PCDHGB7: variants seen among roughly 807,000 people sequenced by gnomAD.
PCDHGB7 encodes protocadherin gamma-B7.
A neutral mutation model predicts 61.4 loss-of-function variants in PCDHGB7; 37 were observed. The ratio of observed to expected loss-of-function variants is 0.60; its 90% CI spans 0.46 to 0.79. The LOEUF (loss-of-function observed/expected upper bound fraction) is 0.79. PCDHGB7 is among the 30% of genes least tolerant of loss of function. The pLI is 0.00. For missense variants in PCDHGB7, 1,166 were observed against 1,202.5 expected, an observed-to-expected ratio of 0.97 and a Z score of 0.45; for synonymous variants, 464 against 503.5, an observed-to-expected ratio of 0.92 and a Z score of 1.05.
At chr5:141,459,263 C>T (rs2098964603) in intron 1 of PCDHGB7, among the ~76,000 whole-genome samples, 1 of 152,176 alleles carries the variant, frequency 6.6e-6, no homozygotes, top group South Asian at 2.1e-4. Flanking sequence ...ATTAGTGTTG[C>T]CTCTTTCAGA....
chr5:141,487,058 C>T lies in PCDHGB7; in HGVS notation c.2416-7749C>T, dbSNP rs775720601. 23 of 1,613,980 alleles carry T rather than the reference C, an allele frequency of 1.4e-5. No individual in the cohort carries two copies. The highest frequency in any genetic ancestry group is 1.0e-4 in the Admixed American group (6 of 59,996). ...AGTCTCTCGATATGCTGGGGAGGTGCGGACGGCTGTTCCTATCCCAGCTGA... is the reference window on the plus strand; with the variant it reads ...AGTCTCTCGATATGCTGGGGAGGTGTGGACGGCTGTTCCTATCCCAGCTGA... On this transcript the variant is annotated intron_variant, in intron 1 of 3. Transcript: ENST00000398594. The surrounding 1 kb of genome is among the most constrained non-coding windows in gnomAD (Gnocchi z 5.0).
chr5:141,493,336 A>G lies in PCDHGB7; in HGVS notation c.2416-1471A>G, dbSNP rs1049621539. Among the ~76,000 whole-genome samples, 4 of 152,202 alleles carry G rather than the reference A, an allele frequency of 2.6e-5. No homozygotes were observed. Among genetic ancestry groups the G allele is most frequent in the African/African-American group, 9.7e-5 (4 of 41,450 alleles). On this transcript the variant is annotated intron_variant, in intron 1 of 3. Transcript: ENST00000398594. The surrounding 1 kb of genome is among the most constrained non-coding windows in gnomAD (Gnocchi z 4.3). ...GAGATTCTAACCCCTGTCTAACTCC[A>G]GAATGTGTGCTTTTAATTTCTTGGC...
At chr5:141,452,370 G>A (rs2098739834) in intron 1 of PCDHGB7, among the ~76,000 whole-genome samples, 1 of 152,136 alleles carries the variant, frequency 6.6e-6, no homozygotes, top group Non-Finnish European at 1.5e-5. Flanking sequence ...CTTCATTTTA[G>A]TAGGGAATAG....
chr5:141,468,419 G>A (rs1733006381), intron 1 of PCDHGB7: 1 of 151,826 alleles, frequency 6.6e-6, no homozygotes, highest in Admixed American at 6.6e-5. Flanking sequence ...AAGTTAGATA[G>A]CAAGGTAATA....
chr5:141,485,065 A>G lies in PCDHGB7; in HGVS notation c.2416-9742A>G, dbSNP rs527439590. On this transcript the variant is annotated intron_variant, in intron 1 of 3. Transcript: ENST00000398594. The surrounding 1 kb of genome is among the most constrained non-coding windows in gnomAD (Gnocchi z 5.7). ...TGCGGCGCCGGCCGAACCGCGCCAG[A>G]GCTGGCGCGGGGAAAGGGAGATAGG... The G allele has an allele frequency of 4.2e-5, 37 of 877,696 alleles. No individual in the cohort carries two copies. Among genetic ancestry groups the G allele is most frequent in the Non-Finnish European group, 6.5e-5 (36 of 552,826 alleles). The allele number at this position is 877,696 out of a possible 1,614,324, so 54.4% of individuals were successfully genotyped here. A position where few individuals can be genotyped will look rare whatever the true frequency, so the allele number is the denominator to read the frequency against.
In PCDHGB7 at chr5:141,491,723, G is replaced by A. The variant is rs764792125; in HGVS notation, c.2416-3084G>A. The A allele has an allele frequency of 1.7e-5, 27 of 1,606,770 alleles. No individual in the cohort carries two copies. In the African/African-American group the frequency reaches 3.2e-4, roughly 19 times the overall value. On this transcript the variant is annotated intron_variant, in intron 1 of 3. Coordinates refer to ENST00000398594, the MANE Select transcript of PCDHGB7 (RefSeq NM_018927.4). The surrounding 1 kb of genome is among the most constrained non-coding windows in gnomAD (Gnocchi z 6.9). The stretch of plus-strand genomic sequence containing the variant: ...CAGGTGAGGGGCTCGGCGCCGCCCC[G>A]GGCGACCCCTGGGGGCGGCACTGGA...
At chr5:141,497,771 C>T (rs2099779314) in intron 2 of PCDHGB7, among the ~76,000 whole-genome samples, 1 of 152,154 alleles carries the variant, frequency 6.6e-6, no homozygotes, top group Non-Finnish European at 1.5e-5. Context: ...ACTCCCCGAC[C>T]TCAACTGATC....
intron 1 of PCDHGB7, chr5:141,478,529 A>G: frequency 6.2e-7 from 1 of 1,609,580 alleles, no homozygotes; most frequent in Non-Finnish European, 8.5e-7. Flanking sequence ...GGGTGCAGAG[A>G]GCGCCCCTCC....
chr5:141,428,731 A>G (rs1290064919), intron 1 of PCDHGB7: 1 of 159,494 alleles, frequency 6.3e-6, no homozygotes, highest in Non-Finnish European at 1.4e-5. Context: ...TCTTAAACAT[A>G]TTATATCTAC....
chr5:141,449,830 T>G (rs1316368063), intron 1 of PCDHGB7, among the ~76,000 whole-genome samples: 1 of 151,724 alleles, frequency 6.6e-6, no homozygotes, highest in Non-Finnish European at 1.5e-5. Flanking sequence ...AAGGACATTC[T>G]TTTATATAAT....
rs2096400387 is a variant in PCDHGB7 at position 141,419,564 on chromosome 5, C to A, written c.1705C>A (p.Pro569Thr). Residue 569 changes from proline (P) to threonine (T), a missense_variant, in exon 1 of 4, where the codon CCC becomes ACC. Pro to Thr is a conservative substitution (Grantham distance 38). Coordinates refer to ENST00000398594, the MANE Select transcript of PCDHGB7 (RefSeq NM_018927.4). ...GCGGGTGCTGTACCCTGCGCTGGGTCCCGACGGCTCCGCGCTCTTCGACAC... is the reference window on the plus strand; with the variant it reads ...GCGGGTGCTGTACCCTGCGCTGGGTACCGACGGCTCCGCGCTCTTCGACAC... ...APRVLYPALG[P>T]DGSALFDTVP... The A allele has an allele frequency of 3.1e-6, 5 of 1,611,832 alleles. No individual in the cohort carries two copies. The highest frequency in any genetic ancestry group is 4.2e-6 in the Non-Finnish European group (5 of 1,179,460).
chr5:141,453,540 A>G (rs890130466), intron 1 of PCDHGB7, among the ~76,000 whole-genome samples: 2 of 152,058 alleles, frequency 1.3e-5, no homozygotes, highest in Non-Finnish European at 2.9e-5. Context: ...CCTCATTCAC[A>G]CCACACTCTG....
Position 141,431,003 on chromosome 5 carries a change from G to C in PCDHGB7, c.2415+10729G>C. The C allele has an allele frequency of 6.2e-7, 1 of 1,614,078 alleles. No individual in the cohort carries two copies. The highest frequency in any genetic ancestry group is 8.5e-7 in the Non-Finnish European group (1 of 1,179,974). On this transcript the variant is annotated intron_variant, in intron 1 of 3. Transcript: ENST00000398594. The surrounding 1 kb of genome is among the most constrained non-coding windows in gnomAD (Gnocchi z 4.8). ...GCTTTTCGCCCTGAATCCGCGCAGC[G>C]GCAGCTTGGTCACGGCGGGCAGGAT... is the stretch of plus-strand genomic sequence containing the variant.
chr5:141,491,544 C>G lies in PCDHGB7; in HGVS notation c.2416-3263C>G, dbSNP rs546391464. The G allele has an allele frequency of 1.1e-5, 17 of 1,614,018 alleles. No individual in the cohort carries two copies. In the Admixed American group the frequency reaches 1.8e-4, roughly 17 times the overall value. Reference sequence around the variant, plus strand: ...TGGAGGTGACGCTGCGGCCCACAGACTCGCAGAGCCACTGCTACAGGACGT... The same window carrying G: ...TGGAGGTGACGCTGCGGCCCACAGAGTCGCAGAGCCACTGCTACAGGACGT... On this transcript the variant is annotated intron_variant, in intron 1 of 3. Transcript: ENST00000398594. The surrounding 1 kb of genome is among the most constrained non-coding windows in gnomAD (Gnocchi z 6.9).
At chr5:141,440,165 A>G (rs935524872) in intron 1 of PCDHGB7, 2 of 152,300 alleles carry the variant, frequency 1.3e-5, no homozygotes, top group African/African-American at 4.8e-5. Flanking sequence ...AGCTTGGGCC[A>G]TAACGCTTTG....
chr5:141,455,961 G>C (rs1447678052), intron 1 of PCDHGB7, among the ~76,000 whole-genome samples: 1 of 150,954 alleles, frequency 6.6e-6, no homozygotes, highest in African/African-American at 2.4e-5. Context: ...GCAGTGGCGC[G>C]ATCTCAGCTC....
intron 1 of PCDHGB7, chr5:141,421,848 T>C (rs571838248): frequency 4.9e-5 from 79 of 1,613,634 alleles, no homozygotes; most frequent in Non-Finnish European, 6.0e-5. Flanking sequence ...AGAAAGAGGC[T>C]GCTCACCTGC....
chr5:141,430,970 A>G (rs1026736997), intron 1 of PCDHGB7: 3 of 1,613,068 alleles, frequency 1.9e-6, no homozygotes, highest in Non-Finnish European at 2.5e-6. Context: ...CCCCAGAGGT[A>G]GGACGCAGCT....
At chr5:141,423,332 C>T in intron 1 of PCDHGB7, 1 of 1,614,198 alleles carries the variant, frequency 6.2e-7, no homozygotes, top group South Asian at 1.1e-5. Flanking sequence ...GCCGCAGTCT[C>T]CTGCATCTTC....
Sources: gnomAD v4.1 joint callset for allele counts (sites outside exome capture counted in the v4.1 genomes callset) on GRCh38, gnomAD v4.1.1 for gene constraint, Gnocchi (gnomAD v3.1) non-coding constraint, MANE v1.5 for transcripts, NCBI Gene and HGNC (gene_info 2026-07-23, HGNC 2026-07-21) for gene names.